Variants in ALDH18A1 observed in about 807,000 individuals in gnomAD.
ALDH18A1 encodes delta-1-pyrroline-5-carboxylate synthase.
ALDH18A1 carries 44 observed loss-of-function variants against 88.8 expected under a neutral mutation model. The ratio of observed to expected loss-of-function variants is 0.50; its 90% CI spans 0.39 to 0.64. ALDH18A1 has a LOEUF of 0.64. ALDH18A1 is among the 30% of genes least tolerant of loss of function. The pLI, the probability that ALDH18A1 is intolerant of heterozygous loss-of-function variation, is 0.00. For missense variants in ALDH18A1, 782 were observed against 1,009.5 expected (o/e 0.77, Z 3.05); for synonymous variants, 331 against 372.1 (o/e 0.89, Z 1.27).
At chr10:95,613,261 G>C (rs897977984) in intron 15 of ALDH18A1, among the ~76,000 whole-genome samples, 3 of 152,146 alleles carry the variant, frequency 2.0e-5, no homozygotes, top group African/African-American at 7.2e-5. Context: ...ACATAATCCA[G>C]GGAGACATTC....
intron 7 of ALDH18A1, among the ~76,000 whole-genome samples, chr10:95,630,123 T>A (rs575907229): frequency 6.6e-6 from 1 of 150,512 alleles, no homozygotes; most frequent in South Asian, 2.1e-4. Flanking sequence ...TTCCCCCCCC[T>A]CTCCCAACAG....
At chr10:95,623,659 G>A (rs968865678) in intron 11 of ALDH18A1, among the ~76,000 whole-genome samples, 6 of 151,768 alleles carry the variant, frequency 4.0e-5, no homozygotes, top group African/African-American at 9.7e-5. Context: ...TCTGCCTCCC[G>A]AGTTCAAGCG....
At chr10:95,611,974 A>C (rs1394133662) in intron 15 of ALDH18A1, among the ~76,000 whole-genome samples, 1 of 59,406 alleles carries the variant, frequency 1.7e-5, no homozygotes, top group Non-Finnish European at 5.6e-5. Context: ...CGTCTCAAAG[A>C]AAAAAAAAAG....
chr10:95,617,634 T>C (rs1352130241), intron 12 of ALDH18A1, among the ~76,000 whole-genome samples: 3 of 152,230 alleles, frequency 2.0e-5, no homozygotes, highest in Non-Finnish European at 4.4e-5. Flanking sequence ...CTTACAAAAG[T>C]TAAGTAAACT....
intron 15 of ALDH18A1, among the ~76,000 whole-genome samples, chr10:95,612,255 C>T (rs1433859072): frequency 6.6e-6 from 1 of 152,196 alleles, no homozygotes; most frequent in African/African-American, 2.4e-5. Flanking sequence ...TTTCCAACTG[C>T]GTCAGTCTGG....
At chr10:95,639,543 T>G (rs937116533) in intron 3 of ALDH18A1, among the ~76,000 whole-genome samples, 4 of 151,584 alleles carry the variant, frequency 2.6e-5, no homozygotes, top group African/African-American at 9.7e-5. Flanking sequence ...AATAGCTCAG[T>G]AATAACTGCT....
At chr10:95,651,155 G>A (rs2097909827) in intron 2 of ALDH18A1, among the ~76,000 whole-genome samples, 1 of 151,882 alleles carries the variant, frequency 6.6e-6, no homozygotes, top group South Asian at 2.1e-4. Flanking sequence ...AAAACAAAAA[G>A]AATGAGCTAA....
chr10:95,627,069 T>A (rs2097861450), intron 9 of ALDH18A1, among the ~76,000 whole-genome samples: 1 of 152,198 alleles, frequency 6.6e-6, no homozygotes, highest in Admixed American at 6.5e-5. Flanking sequence ...TATTTTTTAA[T>A]GTGTTTACAC....
chr10:95,609,029 C>T (rs1023874058), intron 17 of ALDH18A1, among the ~76,000 whole-genome samples: 1 of 152,168 alleles, frequency 6.6e-6, no homozygotes, highest in African/African-American at 2.4e-5. Flanking sequence ...GCAAGTGCCA[C>T]CATGCTCAGC....
intron 1 of ALDH18A1, among the ~76,000 whole-genome samples, chr10:95,655,600 C>G (rs998316129): frequency 2.9e-5 from 4 of 138,386 alleles, no homozygotes; most frequent in African/African-American, 7.9e-5. Context: ...TGACCTCTCC[C>G]CTGTACCACC....
intron 3 of ALDH18A1, among the ~76,000 whole-genome samples, chr10:95,639,346 A>G (rs964152754): frequency 2.0e-5 from 3 of 151,894 alleles, no homozygotes; most frequent in African/African-American, 7.3e-5. Context: ...AAATAAAAAG[A>G]AAAAGAAAAA....
intron 17 of ALDH18A1, among the ~76,000 whole-genome samples, chr10:95,608,139 G>A (rs1020493656): frequency 7.9e-5 from 12 of 152,242 alleles, no homozygotes; most frequent in African/African-American, 2.9e-4. Flanking sequence ...TGTCATTAAT[G>A]CATTTCACAA....
intron 7 of ALDH18A1, among the ~76,000 whole-genome samples, chr10:95,630,120 C>CT (rs34340277): frequency 0.66 from 100,175 of 151,410 alleles, 33,487 homozygotes; most frequent in East Asian, 0.74. Flanking sequence ...TCTTTCCCCC[C>CT]CCTCTCCCAA....
At chr10:95,623,409 C>G (rs1364812833) in intron 11 of ALDH18A1, among the ~76,000 whole-genome samples, 1 of 125,046 alleles carries the variant, frequency 8.0e-6, no homozygotes, top group African/African-American at 2.7e-5. Context: ...TCTTTTCTTT[C>G]TTTTTCTTTT....
At chr10:95,649,119 A>G (rs1379068728) in intron 2 of ALDH18A1, among the ~76,000 whole-genome samples, 1 of 152,218 alleles carries the variant, frequency 6.6e-6, no homozygotes, top group Non-Finnish European at 1.5e-5. Flanking sequence ...AACTCAAAAC[A>G]TCACAAACAG....
intron 15 of ALDH18A1, 129 bp from the exon 16 acceptor site, chr10:95,611,571 T>G: frequency 1.0e-6 from 1 of 954,266 alleles, no homozygotes; most frequent in South Asian, 1.4e-5. Context: ...ACAACTGAAC[T>G]AGTCCTACTT....
At chr10:95,633,352 T>A (rs2097874287) in intron 6 of ALDH18A1, 139 bp downstream of exon 6, 3 of 1,090,478 alleles carry the variant, frequency 2.8e-6, no homozygotes. Context: ...CAGAAGAGCT[T>A]ATGCAGTCAC....
In ALDH18A1 at chr10:95,607,943, T is replaced by C. The variant is rs2097825898; in HGVS notation, c.2207-1000A>G. 2.6e-5 allele frequency among the ~76,000 whole-genome samples: 4 copies of C among 152,128 alleles called. No homozygotes were observed. In the South Asian group the frequency reaches 8.3e-4, roughly 31 times the overall value. On this transcript the variant is annotated intron_variant, in intron 17 of 17. Coordinates refer to ENST00000371224, the MANE Select transcript of ALDH18A1 (RefSeq NM_002860.4). ...GGCAAGGAGAGTGAAACCAGCAGGA[T>C]TCAAATTCTGGTTCAATAGCATACA...
chr10:95,619,406 A>C (rs2097848753), intron 12 of ALDH18A1, among the ~76,000 whole-genome samples: 1 of 152,244 alleles, frequency 6.6e-6, no homozygotes, highest in Non-Finnish European at 1.5e-5. Flanking sequence ...TCAAGCTACC[A>C]ATGACTTTCT....
Sources: gnomAD v4.1 joint callset for allele counts (sites outside exome capture counted in the v4.1 genomes callset) on GRCh38, gnomAD v4.1.1 for gene constraint, MANE v1.5 for transcripts, NCBI Gene and HGNC (gene_info 2026-07-23, HGNC 2026-07-21) for gene names.